Variants in SH2D5 observed in about 807,000 individuals in gnomAD.
SH2D5 encodes SH2 domain-containing protein 5.
In SH2D5, 45 loss-of-function variants were observed where a neutral mutation model predicts 48.2. The ratio of observed to expected loss-of-function variants is 0.93; its 90% confidence interval spans 0.73 to 1.20. The LOEUF is 1.20. Ranked by LOEUF, SH2D5 falls within the 50% of genes most tolerant of loss-of-function variation. SH2D5 has a pLI of 0.00. For synonymous variants in SH2D5, 230 were observed against 249.8 expected (o/e 0.92, Z 0.75); for missense variants, 538 against 584.1 (o/e 0.92, Z 0.81).
rs2054711795 is a variant in SH2D5 at position 20,722,791 on chromosome 1, C to G, written c.1033G>C (p.Val345Leu). The part of the protein sequence containing the change: ...RTQCGVVPHQ[V>L]FRNHLGRYCL... Reference sequence around the variant, plus strand: ...TAGCGGCCCAGGTGGTTCCGGAAGACCTGGTGGGGCACCACGCCGCACTGC... The same window carrying G: ...TAGCGGCCCAGGTGGTTCCGGAAGAGCTGGTGGGGCACCACGCCGCACTGC... The change falls in exon 9 of 10, where the codon GTC becomes CTC. Residue 345 changes from valine to leucine, a missense_variant. Transcript: ENST00000444387. 1 of 1,578,438 alleles carries G rather than the reference C, an allele frequency of 6.3e-7. No individual in the cohort carries two copies. The highest frequency in any genetic ancestry group is 1.4e-5 in the African/African-American group (1 of 73,862).
At chr1:20,731,841 G>A (rs994946980) in intron 1 of SH2D5, among the ~76,000 whole-genome samples, 2 of 152,092 alleles carry the variant, frequency 1.3e-5, no homozygotes, top group African/African-American at 2.4e-5. Flanking sequence ...CCGGACCCAG[G>A]AGCGTGCTGG....
intron 1 of SH2D5, chr1:20,730,659 G>A (rs1440584208): frequency 1.3e-5 from 2 of 152,456 alleles, no homozygotes; most frequent in Non-Finnish European, 2.9e-5. Flanking sequence ...CGGGGGACCA[G>A]GGAGGGCATG....
rs75869282 is a variant in SH2D5 at position 20,721,095 on chromosome 1, G to C, written c.*697C>G. 2,577 of 153,510 alleles carry C rather than the reference G, an allele frequency of 0.017. 81 individuals are homozygous for C. Among genetic ancestry groups the C allele is most frequent in the African/African-American group, 0.057 (2,373 of 41,580 alleles). 9.5% of individuals were successfully genotyped at this position (153,510 alleles called of 1,614,324 possible). ...CTGAGGTTTTGAGTGGAGACAGCATGGAGATTCTTGGCCCTGTCTGCTGGT... is the reference window on the plus strand; with the variant it reads ...CTGAGGTTTTGAGTGGAGACAGCATCGAGATTCTTGGCCCTGTCTGCTGGT... On this transcript the variant is annotated 3_prime_UTR_variant, in exon 10 of 10. Coordinates refer to ENST00000444387, the MANE Select transcript of SH2D5 (RefSeq NM_001103161.2).
In SH2D5 at chr1:20,724,065, C is replaced by A. The variant is rs2054743816; in HGVS notation, c.799+18G>T. ...GTGTCCCAGGTACACACAGGGCAGG[C>A]ATGTTCCCACAACTCACAGGCCTCC... On this transcript the variant is annotated intron_variant, in intron 7 of 9. Transcript: ENST00000444387. 6.2e-7 allele frequency: 1 copy of A among 1,606,100 alleles called. No individual in the cohort carries two copies. The highest frequency in any genetic ancestry group is 2.2e-5 in the East Asian group (1 of 44,712).
chr1:20,726,518 G>A (rs868678525), intron 4 of SH2D5, among the ~76,000 whole-genome samples: 1 of 152,122 alleles, frequency 6.6e-6, no homozygotes, highest in Non-Finnish European at 1.5e-5. Context: ...GACACCAGGT[G>A]TGCCTCAGTG....
Position 20,728,518 on chromosome 1 carries a change from A to C in SH2D5, c.-42-432T>G. Among the ~76,000 whole-genome samples the C allele has an allele frequency of 6.6e-6, 1 of 152,244 alleles. No homozygotes were observed. Among genetic ancestry groups the C allele is most frequent in the South Asian group, 2.1e-4 (1 of 4,832 alleles). On this transcript the variant is annotated intron_variant, in intron 1 of 9. Transcript: ENST00000444387. This position sits in a 1 kb window ranked among gnomAD's most constrained non-coding sequence, Gnocchi z 4.3. ...GGTGTTCTGGGCTGGGGCCTGCCCC[A>C]GGGGCTGGTTACAGGAAGACCTGTA...
rs2054713464 is a variant in SH2D5 at position 20,722,823 on chromosome 1, A to AC, written c.1000dup (p.Val334GlyfsTer43). 2 of 1,604,178 alleles carry AC rather than the reference A, an allele frequency of 1.2e-6. No individual in the cohort carries two copies. The highest frequency in any genetic ancestry group is 1.7e-6 in the Non-Finnish European group (2 of 1,175,996). ...GGGCACCACGCCGCACTGCGTGCGC[A>AC]CGGACAGACACCACTGGCCGCTAGC... On this transcript the variant is annotated frameshift_variant, in exon 9 of 10. Transcript: ENST00000444387. LOFTEE classifies it high-confidence loss of function.
Position 20,724,487 on chromosome 1 carries a change from C to T in SH2D5, c.539G>A (p.Arg180Gln), listed in dbSNP as rs571453152. The T allele has an allele frequency of 2.3e-5, 37 of 1,612,652 alleles. No homozygotes were observed. Among genetic ancestry groups the T allele is most frequent in the Admixed American group, 1.0e-4 (6 of 60,006 alleles). ...GAGCTGATCACGGCCGAAGGGCTCC[C>T]GCACCAGGCCCCCAGAGCTGGACAG... ...KPLSSSGGLV[R>Q]EPFGRDQLSQ... The change falls in exon 6 of 10, where the codon CGG (arginine) becomes CAG (glutamine). Residue 180 changes from arginine (R) to glutamine (Q), a missense_variant. Transcript: ENST00000444387.
Position 20,729,403 on chromosome 1 carries a change from C to G in SH2D5, c.-42-1317G>C, listed in dbSNP as rs1368362642. Among the ~76,000 whole-genome samples the G allele has an allele frequency of 6.6e-6, 1 of 152,186 alleles. No individual in the cohort carries two copies. The highest frequency in any genetic ancestry group is 1.5e-5 in the Non-Finnish European group (1 of 68,042). ...CAAATCCTGTGTGACTTTGGACCAGCTGCCTCAACCCTCTGAGCCTCCCCT... is the reference window on the plus strand; with the variant it reads ...CAAATCCTGTGTGACTTTGGACCAGGTGCCTCAACCCTCTGAGCCTCCCCT... On this transcript the variant is annotated intron_variant, in intron 1 of 9. Transcript: ENST00000444387. This position sits in a 1 kb window ranked among gnomAD's most constrained non-coding sequence, Gnocchi z 4.2.
Position 20,729,368 on chromosome 1 carries a change from G to T in SH2D5, c.-42-1282C>A, listed in dbSNP as rs1475654609. Among the ~76,000 whole-genome samples, 1 of 152,186 alleles carries T rather than the reference G, an allele frequency of 6.6e-6. No homozygotes were observed. Among genetic ancestry groups the T allele is most frequent in the African/African-American group, 2.4e-5 (1 of 41,444 alleles). ...GTCATCACTGACTTGGGATCAGAGA[G>T]TCCTGGGTCCAAATCCTGTGTGACT... On this transcript the variant is annotated intron_variant, in intron 1 of 9. Coordinates refer to ENST00000444387, the MANE Select transcript of SH2D5 (RefSeq NM_001103161.2). The surrounding 1 kb of genome is among the most constrained non-coding windows in gnomAD (Gnocchi z 4.2).
Position 20,719,767 on chromosome 1 carries a change from A to G in SH2D5, c.*2025T>C, listed in dbSNP as rs2054653021. On this transcript the variant is annotated 3_prime_UTR_variant, in exon 10 of 10. Transcript: ENST00000444387. ...ATTTTATTTTGTTTCAAGTCCACAC[A>G]GCAAGGAAAGTGGGGCTACCGAGGT... is the stretch of plus-strand genomic sequence containing the variant. 6.6e-6 allele frequency: 1 copy of G among 152,270 alleles called. No homozygotes were observed. Among genetic ancestry groups the G allele is most frequent in the Admixed American group, 6.5e-5 (1 of 15,284 alleles). 9.4% of individuals were successfully genotyped at this position (152,270 alleles called of 1,614,324 possible). A position where few individuals can be genotyped will look rare whatever the true frequency, so the allele number is the denominator to read the frequency against.
rs748381061 is a variant in SH2D5, at chr1:20,723,639, C to G, written c.895G>C (p.Ala299Pro). 3.1e-6 allele frequency: 5 copies of G among 1,612,634 alleles called. No individual in the cohort carries two copies. The highest frequency in any genetic ancestry group is 3.3e-5 in the Admixed American group (2 of 59,970). Reference protein sequence around the residue: ...GSLTENIWAFAGISRPCALAL... With the variant: ...GSLTENIWAFPGISRPCALAL... ...GGCCCTTCCTACCTGGAGATGCCAG[C>G]GAAGGCCCAGATGTTCTCCGTCAGG... is the stretch of plus-strand genomic sequence containing the variant. The change falls in exon 8 of 10, where the codon GCT becomes CCT. Residue 299 changes from alanine (A) to proline (P), a missense_variant. By Grantham distance (27) the Ala-to-Pro change is conservative. Coordinates refer to ENST00000444387, the MANE Select transcript of SH2D5 (RefSeq NM_001103161.2).
chr1:20,727,328 G>C lies in SH2D5; in HGVS notation c.168+195C>G, dbSNP rs549707744. ...CTCCATCTGTGGCTTCCAGCTGTGG[G>C]GCCCAGGTCACAGTAGCCCAGGGCA... On this transcript the variant is annotated intron_variant, in intron 3 of 9. Transcript: ENST00000444387. 7.8e-6 allele frequency: 5 copies of C among 639,226 alleles called. No homozygotes were observed. The African/African-American group carries it at 9.2e-5, about 12-fold the overall frequency. The allele number at this position is 639,226 out of a possible 1,614,324, so 39.6% of individuals were successfully genotyped here. A position where few individuals can be genotyped will look rare whatever the true frequency, so the allele number is the denominator to read the frequency against.
Position 20,721,775 on chromosome 1 carries a change from G to A in SH2D5, c.*17C>T, listed in dbSNP as rs771506139. 1 of 1,508,766 alleles carries A rather than the reference G, an allele frequency of 6.6e-7. No individual in the cohort carries two copies. The highest frequency in any genetic ancestry group is 2.4e-5 in the East Asian group (1 of 41,312). 93.5% of individuals were successfully genotyped at this position (1,508,766 alleles called of 1,614,324 possible). A position where few individuals can be genotyped will look rare whatever the true frequency, so the allele number is the denominator to read the frequency against. On this transcript the variant is annotated 3_prime_UTR_variant, in exon 10 of 10. Transcript: ENST00000444387. ...AGCCGGGGTGAGGCGGGGCCTGTGG[G>A]ACCGGGGCCCTACCTCTTAGCCCAG...
At chr1:20,722,725 GC>G in intron 9 of SH2D5, 30 bp downstream of exon 9, 1 of 1,430,530 alleles carries the variant, frequency 7.0e-7, no homozygotes, top group Admixed American at 2.6e-5. Flanking sequence ...ATGCGGCAGG[GC>G]CCAGGCCCCT....
Position 20,726,039 on chromosome 1 carries a change from G to A in SH2D5, c.271C>T (p.Arg91Cys), listed in dbSNP as rs201137078. ...EVLLMAHALR[R>C]ILYSTWCPAD... ...GGGCACCAGGTGGAGTAGAGTATGCGCCTCAGGGCATGAGCCATCAGCAGC... is the reference window on the plus strand; with the variant it reads ...GGGCACCAGGTGGAGTAGAGTATGCACCTCAGGGCATGAGCCATCAGCAGC... Residue 91 changes from arginine to cysteine, a missense_variant, in exon 5 of 10, where the codon CGC (arginine) becomes TGC (cysteine). Arg to Cys is a radical substitution (Grantham distance 180). Coordinates refer to ENST00000444387, the MANE Select transcript of SH2D5 (RefSeq NM_001103161.2). 66 of 1,608,722 alleles carry A rather than the reference G, an allele frequency of 4.1e-5. No individual in the cohort carries two copies. Among genetic ancestry groups the A allele is most frequent in the South Asian group, 4.4e-5 (4 of 90,008 alleles).
intron 2 of SH2D5, 126 bp downstream of exon 2, chr1:20,727,832 C>G (rs932851276): frequency 2.1e-6 from 2 of 939,332 alleles, no homozygotes; most frequent in Non-Finnish European, 3.4e-6. Flanking sequence ...ACACACACTC[C>G]CCAGCCCAAG....
In SH2D5 at chr1:20,728,118, C is replaced by T. The variant is rs1015768204; in HGVS notation, c.-42-32G>A. 37 of 1,103,500 alleles carry T rather than the reference C, an allele frequency of 3.4e-5. No individual in the cohort carries two copies. Among genetic ancestry groups the T allele is most frequent in the African/African-American group, 7.7e-5 (5 of 64,718 alleles). The allele number at this position is 1,103,500 out of a possible 1,614,324, so 68.4% of individuals were successfully genotyped here. A position where few individuals can be genotyped will look rare whatever the true frequency, so the allele number is the denominator to read the frequency against. On this transcript the variant is annotated intron_variant, in intron 1 of 9. Transcript: ENST00000444387. The surrounding 1 kb of genome is among the most constrained non-coding windows in gnomAD (Gnocchi z 4.3). ...AGGGCAGGGGGGGAAGGGCTGCTTTCGAGGCAGGCAAGCCACAGAGTGCCC... is the reference window on the plus strand; with the variant it reads ...AGGGCAGGGGGGGAAGGGCTGCTTTTGAGGCAGGCAAGCCACAGAGTGCCC...
In SH2D5 at chr1:20,728,144, C is replaced by T. The variant is rs2054841250; in HGVS notation, c.-42-58G>A. On this transcript the variant is annotated intron_variant, in intron 1 of 9. Coordinates refer to ENST00000444387, the MANE Select transcript of SH2D5 (RefSeq NM_001103161.2). The surrounding 1 kb of genome is among the most constrained non-coding windows in gnomAD (Gnocchi z 4.3). ...GAGGCAGGCAAGCCACAGAGTGCCC[C>T]CCACAGGCCATTCATTCACTGGCTT... is the stretch of plus-strand genomic sequence containing the variant. 2 of 780,046 alleles carry T rather than the reference C, an allele frequency of 2.6e-6. No homozygotes were observed. The highest frequency in any genetic ancestry group is 2.1e-6 in the Non-Finnish European group (1 of 486,056). 48.3% of individuals were successfully genotyped at this position (780,046 alleles called of 1,614,324 possible). A position where few individuals can be genotyped will look rare whatever the true frequency, so the allele number is the denominator to read the frequency against.
Sources: allele counts gnomAD v4.1 joint callset (sites outside exome capture counted in the v4.1 genomes callset), GRCh38; gene constraint gnomAD v4.1.1; non-coding constraint Gnocchi (gnomAD v3.1); transcripts MANE v1.5; gene names NCBI Gene and HGNC (gene_info 2026-07-23, HGNC 2026-07-21).